Variants in RCOR3 observed in about 807,000 individuals in gnomAD.
The protein encoded by RCOR3 is REST corepressor 3.
A neutral mutation model predicts 64.1 loss-of-function variants in RCOR3; 13 were observed. That is an observed-to-expected ratio of 0.20 (90% CI 0.13 to 0.32). The LOEUF (loss-of-function observed/expected upper bound fraction) is 0.32. Among genes scored for constraint, RCOR3 ranks in the 10% least tolerant of loss-of-function variants. RCOR3 has a pLI of 1.00. For missense variants in RCOR3, 489 were observed against 701.2 expected, an observed-to-expected ratio of 0.70 and a Z score of 3.42; for synonymous variants, 215 against 239.0, an observed-to-expected ratio of 0.90 and a Z score of 0.93.
rs1473542024 is a variant in RCOR3, at chr1:211,295,744, A to G, written c.1008A>G (p.Lys336=). 2 of 1,613,194 alleles carry G rather than the reference A, an allele frequency of 1.2e-6. No individual in the cohort carries two copies. The highest frequency in any genetic ancestry group is 1.7e-4 in the Middle Eastern group (1 of 6,050). ...TGGAAGGTGGAATTGAAGAATTCAA[A>G]CCTCCTGAGGTATGTTATTGAAGGA... ...QKMEGGIEEF[K]PPESNQKINA... Residue 336 remains lysine (K), a synonymous_variant, in exon 9 of 12, where the codon AAA becomes AAG. Transcript: ENST00000419091.
intron 1 of RCOR3, 72 bp downstream of exon 1, chr1:211,259,798 C>G: frequency 7.7e-7 from 1 of 1,298,184 alleles, no homozygotes; most frequent in Non-Finnish European, 1.0e-6. Flanking sequence ...GCCCCCTCCC[C>G]TCGCCGCTCT....
Position 211,289,344 on chromosome 1 carries a change from C to T in RCOR3, c.887C>T (p.Ala296Val), listed in dbSNP as rs773558117. Residue 296 changes from alanine (A) to valine (V), a missense_variant, in exon 8 of 12, where the codon GCC becomes GTC. This residue lies in a region of RCOR3 where 402 missense variants were observed against 617.0 expected (regional missense o/e 0.65). Transcript: ENST00000419091. Reference protein sequence around the residue: ...VVAVSCSPNAANTILRQLDME... With the variant: ...VVAVSCSPNAVNTILRQLDME... ...GCAGTTTCCTGTAGTCCCAATGCAGCCAACACCATCCTGAGGCAACTGGAC... is the reference window on the plus strand; with the variant it reads ...GCAGTTTCCTGTAGTCCCAATGCAGTCAACACCATCCTGAGGCAACTGGAC... 1 of 1,614,016 alleles carries T rather than the reference C, an allele frequency of 6.2e-7. No individual in the cohort carries two copies. Among genetic ancestry groups the T allele is most frequent in the East Asian group, 2.2e-5 (1 of 44,886 alleles).
At chr1:211,263,038 A>G (rs1169603402) in intron 2 of RCOR3, among the ~76,000 whole-genome samples, 2 of 102,216 alleles carry the variant, frequency 2.0e-5, no homozygotes, top group African/African-American at 3.7e-5. Flanking sequence ...CCACCCCACA[A>G]CAGTCCCCAG....
At chr1:211,271,934 TCAA>T (rs917552274) in intron 3 of RCOR3, 15 of 161,252 alleles carry the variant, frequency 9.3e-5, no homozygotes, top group East Asian at 6.9e-4. Flanking sequence ...TTAAATAACA[TCAA>T]CAACAACAAC....
At chr1:211,310,414 G>A (rs1701358308) in intron 10 of RCOR3, among the ~76,000 whole-genome samples, 1 of 152,152 alleles carries the variant, frequency 6.6e-6, no homozygotes, top group South Asian at 2.1e-4. Flanking sequence ...GGAATCCTCA[G>A]CCAAACTACA....
At chr1:211,268,406 T>G (rs1421299445) in intron 2 of RCOR3, among the ~76,000 whole-genome samples, 1 of 141,656 alleles carries the variant, frequency 7.1e-6, no homozygotes, top group African/African-American at 2.6e-5. Context: ...TGAGATGGAG[T>G]TTCGCTCTTG....
intron 2 of RCOR3, among the ~76,000 whole-genome samples, chr1:211,266,291 A>G (rs1408907227): frequency 6.6e-5 from 10 of 152,156 alleles, no homozygotes; most frequent in African/African-American, 4.8e-5. Flanking sequence ...TATTTGTTCC[A>G]TGATCTTCGT....
chr1:211,271,059 A>C (rs562066627), intron 2 of RCOR3, among the ~76,000 whole-genome samples, 173 bp from the exon 3 acceptor site: 1 of 152,102 alleles, frequency 6.6e-6, no homozygotes, highest in African/African-American at 2.4e-5. Flanking sequence ...GGGTTTCACC[A>C]TGTTAGCCAG....
rs1316704367 is a variant in RCOR3, at chr1:211,313,651, C to T, written c.1545C>T (p.Arg515=). 3.1e-6 allele frequency: 5 copies of T among 1,614,228 alleles called. No homozygotes were observed. In the Admixed American group the frequency reaches 8.3e-5, roughly 27 times the overall value. Residue 515 remains arginine (R), a synonymous_variant, in exon 12 of 12, where the codon CGC becomes CGT. Transcript: ENST00000419091. This position sits in a 1 kb window ranked among gnomAD's most constrained non-coding sequence, Gnocchi z 4.7. Reference sequence around the variant, plus strand: ...ATCAGCCTCCACCACCTCTTATTCGCCCTGCTAATTCCATGCCACCCCGTC... The same window carrying T: ...ATCAGCCTCCACCACCTCTTATTCGTCCTGCTAATTCCATGCCACCCCGTC... ...TLNQPPPPLI[R]PANSMPPRLN... is the part of the protein sequence containing the mutation.
intron 9 of RCOR3, 108 bp downstream of exon 9, chr1:211,295,861 G>T (rs1184635407): frequency 7.4e-6 from 5 of 675,388 alleles, no homozygotes; most frequent in Non-Finnish European, 1.3e-5. Context: ...TACTTTGAAG[G>T]TTTCATAATA....
At chr1:211,289,983 A>G (rs1403399916) in intron 8 of RCOR3, among the ~76,000 whole-genome samples, 2 of 152,230 alleles carry the variant, frequency 1.3e-5, no homozygotes, top group Non-Finnish European at 2.9e-5. Context: ...AATGTGGATA[A>G]TAGTATAGTG....
chr1:211,292,075 A>G (rs1244224436), intron 8 of RCOR3, among the ~76,000 whole-genome samples: 1 of 150,450 alleles, frequency 6.6e-6, no homozygotes, highest in Non-Finnish European at 1.5e-5. Context: ...TTTACAGTAG[A>G]AAAAAAAAAT....
In RCOR3 at chr1:211,276,426, A is replaced by G; in HGVS notation, c.516+8A>G. 6.2e-7 allele frequency: 1 copy of G among 1,610,644 alleles called. No homozygotes were observed. Among genetic ancestry groups the G allele is most frequent in the Non-Finnish European group, 8.5e-7 (1 of 1,177,996 alleles). ...CACAGGATTCAGCAAATGGTATGGT[A>G]ATTTTAATCTTACTGTGGTTCATAT... On this transcript the variant is annotated splice_region_variant and intron_variant, in intron 5 of 11. Coordinates refer to ENST00000419091, the MANE Select transcript of RCOR3 (RefSeq NM_001136223.3).
rs1248675677 is a variant in RCOR3 at position 211,289,413 on chromosome 1, A to G, written c.939+17A>G. On this transcript the variant is annotated intron_variant, in intron 8 of 11. Coordinates refer to ENST00000419091, the MANE Select transcript of RCOR3 (RefSeq NM_001136223.3). The stretch of plus-strand genomic sequence containing the variant: ...AAACGTCAGGTATTTTATAAAAATA[A>G]TATTTTTAATGATTCTGTGCATTTT... 1.3e-6 allele frequency: 2 copies of G among 1,565,254 alleles called. No individual in the cohort carries two copies. The highest frequency in any genetic ancestry group is 1.7e-6 in the Non-Finnish European group (2 of 1,145,254).
At chr1:211,295,106 C>CA (rs1699731851) in intron 8 of RCOR3, among the ~76,000 whole-genome samples, 1 of 136,404 alleles carries the variant, frequency 7.3e-6, no homozygotes, top group Non-Finnish European at 1.5e-5. Context: ...AGGGTGGTCT[C>CA]AGACTCCTGG....
chr1:211,290,741 T>C (rs940980858), intron 8 of RCOR3, among the ~76,000 whole-genome samples: 4 of 152,174 alleles, frequency 2.6e-5, no homozygotes, highest in African/African-American at 9.7e-5. Context: ...GTGTTATCTT[T>C]TTAAAGCACT....
rs925873063 is a variant in RCOR3, at chr1:211,259,631, G to T, written c.71G>T (p.Ser24Ile). The T allele has an allele frequency of 7.8e-6, 12 of 1,548,000 alleles. No homozygotes were observed. Among genetic ancestry groups the T allele is most frequent in the Non-Finnish European group, 1.0e-5 (12 of 1,145,794 alleles). ...CGATCGGCCAACGGCAGCGCCAAGAGCCCGGCAGGCGGCGGCGGCAGCGGC... is the reference window on the plus strand; with the variant it reads ...CGATCGGCCAACGGCAGCGCCAAGATCCCGGCAGGCGGCGGCGGCAGCGGC... ...KNRSANGSAK[S>I]PAGGGGSGAS... Residue 24 changes from serine to isoleucine, a missense_variant, in exon 1 of 12, where the codon AGC (serine) becomes ATC (isoleucine). By Grantham distance (142) the Ser-to-Ile change is moderately radical. Transcript: ENST00000419091.
At chr1:211,280,580 A>G (rs1421990224) in intron 7 of RCOR3, among the ~76,000 whole-genome samples, 1 of 152,182 alleles carries the variant, frequency 6.6e-6, no homozygotes, top group Non-Finnish European at 1.5e-5. Flanking sequence ...TGCTTGTGTG[A>G]TCCTATCCAT....
chr1:211,308,673 GTTTTTTT>G (rs545513442), intron 10 of RCOR3, among the ~76,000 whole-genome samples: 6 of 40,478 alleles, frequency 1.5e-4, no homozygotes, highest in Admixed American at 3.1e-4. Flanking sequence ...TTTTTTTTTT[GTTTTTTT>G]TTTGTTTTTT....
Sources: allele counts gnomAD v4.1 joint callset (sites outside exome capture counted in the v4.1 genomes callset), GRCh38; gene constraint gnomAD v4.1.1; regional missense constraint gnomAD v4.1.1; non-coding constraint Gnocchi (gnomAD v3.1); transcripts MANE v1.5; gene names NCBI Gene and HGNC (gene_info 2026-07-23, HGNC 2026-07-21).